Variants in HDX observed in about 807,000 individuals in gnomAD.
HDX encodes the protein chromosome X open reading frame 43.
Under a neutral mutation model 45.2 loss-of-function variants are expected in HDX, and 19 were observed. The observed-to-expected ratio is 0.42, with a 90% CI of 0.29 to 0.62. The LOEUF (loss-of-function observed/expected upper bound fraction) is 0.62, where lower values mean the gene tolerates loss of function less well. Among genes scored for constraint, HDX ranks in the 20% least tolerant of loss-of-function variants. HDX has a pLI of 0.20. For missense variants in HDX, 532 were observed against 493.9 expected, an observed-to-expected ratio of 1.08 and a Z score of -0.73; for synonymous variants, 188 against 172.8, an observed-to-expected ratio of 1.09 and a Z score of -0.69.
At chrX:84,406,553 A>C (rs867731769) in intron 5 of HDX, among the ~76,000 whole-genome samples, 2 of 78,049 alleles carry the variant, frequency 2.6e-5, no homozygotes, top group Non-Finnish European at 5.2e-5. Flanking sequence ...ATCTATCTAT[A>C]TCTATCATCA....
intron 5 of HDX, among the ~76,000 whole-genome samples, chrX:84,428,164 T>C (rs919401188): frequency 1.2e-4 from 13 of 110,620 alleles, no homozygotes; most frequent in African/African-American, 4.3e-4. Context: ...ATTCTTTGTA[T>C]ATTCTAGAAA....
At chrX:84,377,177 T>G (rs376261390) in intron 5 of HDX, among the ~76,000 whole-genome samples, 66 of 112,319 alleles carry the variant, frequency 5.9e-4, no homozygotes, top group African/African-American at 2.1e-3. Context: ...TCTGCAAGAA[T>G]CACAGCGTTA....
intron 2 of HDX, among the ~76,000 whole-genome samples, chrX:84,476,740 A>C (rs138653867): frequency 0.01 from 1,140 of 111,680 alleles, 20 homozygotes; most frequent in African/African-American, 0.036. Context: ...ACTTTAAAAA[A>C]TAAAGCTCTC....
chrX:84,373,272 C>T (rs1353050618), intron 5 of HDX, among the ~76,000 whole-genome samples: 2 of 110,968 alleles, frequency 1.8e-5, no homozygotes, highest in African/African-American at 6.5e-5. Context: ...CGGCTTCTAT[C>T]CATGTATGGA....
chrX:84,412,755 C>T (rs1000647406), intron 5 of HDX, among the ~76,000 whole-genome samples: 2 of 111,828 alleles, frequency 1.8e-5, no homozygotes, highest in African/African-American at 6.5e-5. Context: ...ATGGGATCCT[C>T]AAATATGTTT....
intron 1 of HDX, among the ~76,000 whole-genome samples, chrX:84,493,636 T>A (rs2040940183): frequency 8.9e-6 from 1 of 112,043 alleles, no homozygotes; most frequent in Non-Finnish European, 1.9e-5. Context: ...GTAAATATAC[T>A]GGATCTCAGA....
chrX:84,453,221 T>G (rs769429705), intron 4 of HDX, among the ~76,000 whole-genome samples: 3 of 112,192 alleles, frequency 2.7e-5, no homozygotes, highest in Non-Finnish European at 5.6e-5. Context: ...AACTGAAGAA[T>G]GATCCACACA....
chrX:84,470,875 C>T (rs1231037729), intron 3 of HDX, among the ~76,000 whole-genome samples: 1 of 111,157 alleles, frequency 9.0e-6, no homozygotes, highest in African/African-American at 3.3e-5. Flanking sequence ...ATTAAACAGG[C>T]CATGCACAGT....
At chrX:84,345,067 T>C (rs1446025802) in intron 6 of HDX, among the ~76,000 whole-genome samples, 1 of 111,184 alleles carries the variant, frequency 9.0e-6, no homozygotes, top group Non-Finnish European at 1.9e-5. Flanking sequence ...TATTATTACC[T>C]TGGCATTTCA....
chrX:84,478,453 A>G (rs776189206), intron 2 of HDX, among the ~76,000 whole-genome samples: 1 of 112,152 alleles, frequency 8.9e-6, no homozygotes, highest in South Asian at 3.7e-4. Context: ...AAATTCCTAT[A>G]TGATGTAACA....
At chrX:84,484,727 T>A (rs751246551) in intron 2 of HDX, among the ~76,000 whole-genome samples, 4 of 112,059 alleles carry the variant, frequency 3.6e-5, no homozygotes, top group Non-Finnish European at 7.5e-5. Context: ...TTTTGACTGG[T>A]GTGAAATGGT....
intron 5 of HDX, among the ~76,000 whole-genome samples, chrX:84,409,904 T>A (rs1399488818): frequency 1.9e-5 from 2 of 106,845 alleles, no homozygotes; most frequent in African/African-American, 3.4e-5. Context: ...AGAAAAAAAA[T>A]TAGCCAGGTG....
chrX:84,322,812 T>C (rs2036624600), intron 10 of HDX, among the ~76,000 whole-genome samples: 1 of 111,344 alleles, frequency 9.0e-6, no homozygotes, highest in South Asian at 3.7e-4. Context: ...CACTTGACCA[T>C]GAGGAACTTT....
At chrX:84,382,376 T>TCTA (rs1179673175) in intron 5 of HDX, among the ~76,000 whole-genome samples, 6 of 111,493 alleles carry the variant, frequency 5.4e-5, no homozygotes, top group Non-Finnish European at 1.1e-4. Context: ...AATCAGTATA[T>TCTA]CTAAAAGATA....
At position 84,318,344 on chromosome X, in the gene HDX, T is replaced by A. The variant is rs973279736; in HGVS notation, c.*3545A>T. 2 of 110,797 alleles carry A rather than the reference T, an allele frequency of 1.8e-5. No homozygotes were observed. The highest frequency in any genetic ancestry group is 9.6e-5 in the Admixed American group (1 of 10,391). 9.1% of individuals were successfully genotyped at this position (110,797 alleles called of 1,213,427 possible). On this transcript the variant is annotated 3_prime_UTR_variant, in exon 11 of 11. Coordinates refer to ENST00000373177, the MANE Select transcript of HDX (RefSeq NM_001177479.2). The stretch of plus-strand genomic sequence containing the variant: ...TAACATTTAGATACAGTGGTACTGA[T>A]AACTCCCTTAAAAAGCTAACCTATC...
At chrX:84,343,427 TCAA>T (rs1367683175) in intron 7 of HDX, among the ~76,000 whole-genome samples, 1 of 109,765 alleles carries the variant, frequency 9.1e-6, no homozygotes, top group Admixed American at 9.8e-5. Flanking sequence ...CAACAACAAA[TCAA>T]CAACAACAAA....
intron 5 of HDX, among the ~76,000 whole-genome samples, chrX:84,376,731 A>C (rs2147891991): frequency 8.9e-6 from 1 of 112,453 alleles, no homozygotes; most frequent in Admixed American, 9.4e-5. Flanking sequence ...ACAGTACAAT[A>C]GAACAACAGG....
intron 7 of HDX, among the ~76,000 whole-genome samples, chrX:84,339,096 C>G (rs1369415211): frequency 9.0e-6 from 1 of 111,603 alleles, no homozygotes. Context: ...CAAACTGAAG[C>G]AGACCTGCAG....
intron 7 of HDX, among the ~76,000 whole-genome samples, chrX:84,338,555 C>T (rs1482993174): frequency 9.0e-6 from 1 of 110,579 alleles, no homozygotes; most frequent in Non-Finnish European, 1.9e-5. Flanking sequence ...TTGACTTGTT[C>T]ATACTACATA....
Sources: gnomAD v4.1 joint callset for allele counts (sites outside exome capture counted in the v4.1 genomes callset) on GRCh38, gnomAD v4.1.1 for gene constraint, MANE v1.5 for transcripts, NCBI Gene and HGNC (gene_info 2026-07-23, HGNC 2026-07-21) for gene names.